PHF11: variants seen among roughly 807,000 people sequenced by gnomAD.
The protein encoded by PHF11 is PHD finger protein 11.
Under a neutral mutation model 40.5 loss-of-function variants are expected in PHF11, and 38 were observed. The ratio of observed to expected loss-of-function variants is 0.94; its 90% confidence interval spans 0.72 to 1.23. PHF11 has a LOEUF of 1.23. PHF11 is among the 50% of genes most tolerant of loss of function. PHF11 has a pLI of 0.00. For synonymous variants in PHF11, 127 were observed against 138.2 expected (o/e 0.92, Z 0.57); for missense variants, 369 against 392.4 (o/e 0.94, Z 0.50).
At chr13:49,516,194 A>G (rs1347105754) in intron 3 of PHF11, among the ~76,000 whole-genome samples, 2 of 152,114 alleles carry the variant, frequency 1.3e-5, no homozygotes, top group Non-Finnish European at 2.9e-5. Flanking sequence ...TTAATTCGAT[A>G]TAATGTGTAT....
At chr13:49,526,083 C>T (rs925289010) in intron 8 of PHF11, 10 of 345,696 alleles carry the variant, frequency 2.9e-5, no homozygotes, top group African/African-American at 1.5e-4. Flanking sequence ...ACATGAGAAT[C>T]GCTTGAACCC....
chr13:49,521,404 G>A, intron 5 of PHF11: 5 of 987,444 alleles, frequency 5.1e-6, no homozygotes, highest in Non-Finnish European at 6.0e-6. Flanking sequence ...TGGAACAGCA[G>A]TGTCTTAGCA....
At chr13:49,496,991 G>T in intron 1 of PHF11, 1 of 1,112,696 alleles carries the variant, frequency 9.0e-7, no homozygotes, top group Non-Finnish European at 1.2e-6. Flanking sequence ...GTGCCACCAC[G>T]CCCAGCTAAT....
intron 1 of PHF11, chr13:49,497,115 CA>C: frequency 3.9e-6 from 5 of 1,289,090 alleles, no homozygotes; most frequent in Non-Finnish European, 5.1e-6. Flanking sequence ...GAGGATGACA[CA>C]AAGGCACCAA....
At chr13:49,508,639 G>A (rs1444773412) in intron 2 of PHF11, among the ~76,000 whole-genome samples, 1 of 151,652 alleles carries the variant, frequency 6.6e-6, no homozygotes, top group Non-Finnish European at 1.5e-5. Context: ...ATCTCATCCA[G>A]CAACCTTACC....
chr13:49,520,355 TTTC>T (rs1416856919), intron 4 of PHF11, among the ~76,000 whole-genome samples: 1 of 152,228 alleles, frequency 6.6e-6, no homozygotes, highest in East Asian at 1.9e-4. Flanking sequence ...CCTCACTTCA[TTTC>T]TTCATCATAG....
At chr13:49,525,686 T>C (rs1227078633) in intron 8 of PHF11, 2 of 397,170 alleles carry the variant, frequency 5.0e-6, no homozygotes, top group African/African-American at 2.1e-5. Flanking sequence ...GATTATTTTC[T>C]ATAGGGCAAA....
intron 8 of PHF11, among the ~76,000 whole-genome samples, chr13:49,525,018 A>G (rs1228169259): frequency 2.6e-5 from 4 of 152,208 alleles, no homozygotes; most frequent in Non-Finnish European, 5.9e-5. Flanking sequence ...AAGATCTGAG[A>G]ACAGTGTTAT....
At chr13:49,508,017 G>T (rs1368953603) in intron 2 of PHF11, among the ~76,000 whole-genome samples, 1 of 151,166 alleles carries the variant, frequency 6.6e-6, no homozygotes, top group Non-Finnish European at 1.5e-5. Context: ...TTGGAATTTT[G>T]ATTGGAATTG....
chr13:49,510,032 C>CT (rs1183784161), intron 2 of PHF11, among the ~76,000 whole-genome samples: 219 of 150,108 alleles, frequency 1.5e-3, no homozygotes, highest in African/African-American at 5.0e-3. Flanking sequence ...TGTGTGTGTG[C>CT]TTTTTTTTTG....
chr13:49,523,006 G>A (rs1048122808), intron 6 of PHF11, among the ~76,000 whole-genome samples, 169 bp from the exon 7 acceptor site: 1 of 152,058 alleles, frequency 6.6e-6, no homozygotes, highest in Non-Finnish European at 1.5e-5. Context: ...CTTGTGATCT[G>A]CCCATCTTGC....
At chr13:49,523,575 A>G in intron 7 of PHF11, 1 of 317,140 alleles carries the variant, frequency 3.2e-6, no homozygotes, top group Non-Finnish European at 5.8e-6. Flanking sequence ...CTTTAAAGAA[A>G]TAGACATTCC....
chr13:49,521,951 A>G (rs1959190025), intron 5 of PHF11, 92 bp from the exon 6 acceptor site: 2 of 606,166 alleles, frequency 3.3e-6, no homozygotes, highest in East Asian at 5.7e-5. Flanking sequence ...GACTTTGTAA[A>G]AACTTTTGGC....
chr13:49,527,783 G>A (rs746261595), intron 9 of PHF11, among the ~76,000 whole-genome samples: 18 of 152,102 alleles, frequency 1.2e-4, no homozygotes, highest in Non-Finnish European at 1.8e-4. Flanking sequence ...GTAGTATGGC[G>A]GGGGTGCCAC....
Position 49,495,978 on chromosome 13 carries a change from G to T in PHF11, c.-24G>T. On this transcript the variant is annotated 5_prime_UTR_variant, in exon 1 of 10. Transcript: ENST00000378319. ...ACTTCCGGGATCTCGCTATCCGGCC[G>T]CCACCCGCAGCTGCAGCACAGTCAT... 1 of 1,467,836 alleles carries T rather than the reference G, an allele frequency of 6.8e-7. No homozygotes were observed. Among genetic ancestry groups the T allele is most frequent in the Non-Finnish European group, 9.1e-7 (1 of 1,101,460 alleles). 90.9% of individuals were successfully genotyped at this position (1,467,836 alleles called of 1,614,324 possible).
Position 49,528,720 on chromosome 13 carries a change from CAG to C in PHF11, c.*59_*60del. ...GTCAAATTGCAATCAGGCTCAAAAC[CAG>C]AGACCAGGCTGTGAAATCCACACAT... On this transcript the variant is annotated 3_prime_UTR_variant, in exon 10 of 10. Transcript: ENST00000378319. 7.6e-7 allele frequency: 1 copy of C among 1,318,498 alleles called. No individual in the cohort carries two copies. The highest frequency in any genetic ancestry group is 1.1e-6 in the Non-Finnish European group (1 of 943,398). The allele number at this position is 1,318,498 out of a possible 1,614,324, so 81.7% of individuals were successfully genotyped here.
At chr13:49,523,274 G>GC (rs1465597109) in intron 7 of PHF11, 33 bp downstream of exon 7, 2 of 1,433,534 alleles carry the variant, frequency 1.4e-6, no homozygotes, top group Non-Finnish European at 2.0e-6. Context: ...AACAAATATG[G>GC]CCTACAATAC....
intron 8 of PHF11, among the ~76,000 whole-genome samples, chr13:49,525,252 G>A (rs771334981): frequency 6.6e-6 from 1 of 152,060 alleles, no homozygotes; most frequent in Non-Finnish European, 1.5e-5. Context: ...TTAGCTTTTT[G>A]TTTGTTTGTT....
intron 3 of PHF11, among the ~76,000 whole-genome samples, chr13:49,513,396 T>C (rs1384272897): frequency 1.3e-5 from 2 of 149,094 alleles, no homozygotes; most frequent in Admixed American, 6.8e-5. Flanking sequence ...AGTGACACGG[T>C]CTCAGCTCAC....
Sources: allele counts gnomAD v4.1 joint callset (sites outside exome capture counted in the v4.1 genomes callset), GRCh38; gene constraint gnomAD v4.1.1; transcripts MANE v1.5; gene names NCBI Gene and HGNC (gene_info 2026-07-23, HGNC 2026-07-21).